The following MOK variants were observed in gnomAD, a reference collection of about 807,000 sequenced individuals.
MOK encodes the protein MOK protein kinase.
Under a neutral mutation model 54.2 loss-of-function variants are expected in MOK, and 59 were observed. That is an observed-to-expected ratio of 1.09 (90% CI 0.88 to 1.35). The LOEUF (loss-of-function observed/expected upper bound fraction) is 1.35. Among genes scored for constraint, MOK ranks in the 40% most tolerant of loss-of-function variants. The probability of loss-of-function intolerance (pLI) is 0.00; values close to 1 mark genes in which losing one functional copy is unlikely to be tolerated. For synonymous variants in MOK, 210 were observed against 202.7 expected, an observed-to-expected ratio of 1.04 and a Z score of -0.31; for missense variants, 517 against 526.2, an observed-to-expected ratio of 0.98 and a Z score of 0.17.
At chr14:102,297,468 G>T (rs1475816591) in intron 1 of MOK, among the ~76,000 whole-genome samples, 10 of 152,244 alleles carry the variant, frequency 6.6e-5, no homozygotes, top group African/African-American at 2.4e-4. Context: ...TTGATTCCAT[G>T]AAAATACTAG....
At chr14:102,292,290 G>T (rs1023729066) in intron 1 of MOK, among the ~76,000 whole-genome samples, 3 of 152,036 alleles carry the variant, frequency 2.0e-5, no homozygotes, top group African/African-American at 7.2e-5. Context: ...TGGCTAACAC[G>T]GTGAAACCCC....
chr14:102,273,704 G>A (rs1238611411), intron 2 of MOK, among the ~76,000 whole-genome samples: 1 of 151,894 alleles, frequency 6.6e-6, no homozygotes, highest in East Asian at 2.0e-4. Flanking sequence ...TCTAGAACCT[G>A]TGAACCCGGA....
chr14:102,226,173 T>G (rs2064231605), downstream of MOK: 2 of 599,790 alleles, frequency 3.3e-6, no homozygotes, highest in East Asian at 2.8e-5. This position sits in a 1 kb window ranked among gnomAD's most constrained non-coding sequence, Gnocchi z 4.8. Context: ...GCTTACTGCT[T>G]CTCCCTGCAA....
chr14:102,270,183 T>C (rs576044583), intron 2 of MOK, among the ~76,000 whole-genome samples: 20 of 152,198 alleles, frequency 1.3e-4, no homozygotes, highest in African/African-American at 2.9e-4. Context: ...CAAGGGAAAT[T>C]AGAAAACATT....
intron 7 of MOK, among the ~76,000 whole-genome samples, chr14:102,247,169 G>C (rs576700748): frequency 5.3e-4 from 80 of 151,996 alleles, no homozygotes; most frequent in African/African-American, 1.8e-3. Context: ...TTCCTCTTAC[G>C]CTGGGAAAAA....
intron 1 of MOK, among the ~76,000 whole-genome samples, chr14:102,290,431 A>C (rs562004881): frequency 6.6e-6 from 1 of 152,050 alleles, no homozygotes; most frequent in East Asian, 1.9e-4. Context: ...CAAGAGCAAA[A>C]CTCAGTCTCA....
intron 6 of MOK, chr14:102,251,409 C>T: frequency 2.4e-6 from 1 of 414,348 alleles, no homozygotes; most frequent in South Asian, 2.0e-5. Context: ...ACGGTTTAAA[C>T]ACAGGTAGTT....
At position 102,245,135 on chromosome 14, in the gene MOK, AT is replaced by A. The variant is rs1316776588; in HGVS notation, c.590+5676del. Among the ~76,000 whole-genome samples, 1 of 151,984 alleles carries A rather than the reference AT, an allele frequency of 6.6e-6. No individual in the cohort carries two copies. Among genetic ancestry groups the A allele is most frequent in the Non-Finnish European group, 1.5e-5 (1 of 67,996 alleles). On this transcript the variant is annotated intron_variant, in intron 7 of 11. Coordinates refer to ENST00000361847, the MANE Select transcript of MOK (RefSeq NM_014226.3). The surrounding 1 kb of genome is among the most constrained non-coding windows in gnomAD (Gnocchi z 4.3). ...GTGTCTTCCGTTTAGCTCTCAATTCATAAAAAAACACATCCAGGCCATCACC... is the reference window on the plus strand; with the variant it reads ...GTGTCTTCCGTTTAGCTCTCAATTCAAAAAAAACACATCCAGGCCATCACC...
chr14:102,249,947 G>C lies in MOK; in HGVS notation c.590+865C>G, dbSNP rs1233788155. On this transcript the variant is annotated intron_variant, in intron 7 of 11. Coordinates refer to ENST00000361847, the MANE Select transcript of MOK (RefSeq NM_014226.3). The surrounding 1 kb of genome is among the most constrained non-coding windows in gnomAD (Gnocchi z 5.3). ...TGGTGCACCGTGGGCCGTCTTGTGC[G>C]CTGGTGAGATACAGGTGGCCTTGTG... 6.6e-6 allele frequency among the ~76,000 whole-genome samples: 1 copy of C among 152,050 alleles called. No homozygotes were observed. Among genetic ancestry groups the C allele is most frequent in the African/African-American group, 2.4e-5 (1 of 41,406 alleles).
intron 2 of MOK, among the ~76,000 whole-genome samples, chr14:102,273,095 G>A (rs186971265): frequency 1.3e-5 from 2 of 151,876 alleles, no homozygotes; most frequent in African/African-American, 4.8e-5. Context: ...ACTTGAACCC[G>A]GGAGGTGGAG....
chr14:102,289,412 A>G (rs1392246468), intron 1 of MOK, among the ~76,000 whole-genome samples: 2 of 152,190 alleles, frequency 1.3e-5, no homozygotes, highest in African/African-American at 4.8e-5. Context: ...GGTGCAAAAC[A>G]ATCTGCTTTC....
intron 2 of MOK, chr14:102,278,815 T>C (rs2069128434): frequency 2.4e-6 from 1 of 411,004 alleles, no homozygotes; most frequent in Admixed American, 2.6e-5. Context: ...TGCGGTAATC[T>C]TACTATTATT....
At position 102,304,187 on chromosome 14, in the gene MOK, T is replaced by C. The variant is rs551301737; in HGVS notation, c.7+775A>G. Among the ~76,000 whole-genome samples the C allele has an allele frequency of 9.9e-5, 15 of 152,278 alleles. No homozygotes were observed. The South Asian group carries it at 2.1e-3, about 21-fold the overall frequency. ...AATGCAAATTTAACATTATAACTAC[T>C]CCTAACATAATATTTTCACAGCAAA... On this transcript the variant is annotated intron_variant, in intron 1 of 11. Transcript: ENST00000361847.
At chr14:102,300,178 G>A (rs1349973125) in intron 1 of MOK, among the ~76,000 whole-genome samples, 1 of 152,022 alleles carries the variant, frequency 6.6e-6, no homozygotes, top group Non-Finnish European at 1.5e-5. Context: ...ACAAAACTTA[G>A]CCAGGTATGT....
chr14:102,249,602 G>A lies in MOK; in HGVS notation c.590+1210C>T, dbSNP rs2066370642. Among the ~76,000 whole-genome samples, 1 of 152,166 alleles carries A rather than the reference G, an allele frequency of 6.6e-6. No individual in the cohort carries two copies. The stretch of plus-strand genomic sequence containing the variant: ...TGCATGCCTGTAATCCCAGCTACTT[G>A]GGGGGCTGAGGCAGGAGAATCGCTA... On this transcript the variant is annotated intron_variant, in intron 7 of 11. Coordinates refer to ENST00000361847, the MANE Select transcript of MOK (RefSeq NM_014226.3). This position sits in a 1 kb window ranked among gnomAD's most constrained non-coding sequence, Gnocchi z 5.3.
At chr14:102,274,741 G>A (rs1052448274) in intron 2 of MOK, among the ~76,000 whole-genome samples, 1 of 151,822 alleles carries the variant, frequency 6.6e-6, no homozygotes, top group Non-Finnish European at 1.5e-5. Context: ...TTGGGAGGAC[G>A]AGGCAGGCGG....
intron 3 of MOK, 105 bp downstream of exon 3, chr14:102,265,718 T>G: frequency 1.1e-6 from 1 of 874,662 alleles, no homozygotes; most frequent in Non-Finnish European, 1.8e-6. Context: ...GGTTACTCTC[T>G]GAGCTACAAA....
At chr14:102,274,987 A>AG (rs967001762) in intron 2 of MOK, among the ~76,000 whole-genome samples, 7 of 151,854 alleles carry the variant, frequency 4.6e-5, no homozygotes, top group African/African-American at 1.7e-4. Flanking sequence ...AAAAAAAAAA[A>AG]AAGAAGAAGA....
intron 7 of MOK, among the ~76,000 whole-genome samples, chr14:102,250,450 G>A (rs536333174): frequency 8.5e-5 from 13 of 152,130 alleles, no homozygotes; most frequent in Non-Finnish European, 1.6e-4. Flanking sequence ...CCTCACACCT[G>A]TGGCCAGGGC....
Sources: allele counts gnomAD v4.1 joint callset (sites outside exome capture counted in the v4.1 genomes callset), GRCh38; gene constraint gnomAD v4.1.1; non-coding constraint Gnocchi (gnomAD v3.1); transcripts MANE v1.5; gene names NCBI Gene and HGNC (gene_info 2026-07-23, HGNC 2026-07-21).